The following NEB variants were observed in gnomAD, a reference collection of about 807,000 sequenced individuals.
The protein encoded by NEB is nebulin, also known as nemaline myopathy type 2.
Under a neutral mutation model 952.2 loss-of-function variants are expected in NEB, and 512 were observed. The ratio of observed to expected loss-of-function variants is 0.54; its 90% CI spans 0.50 to 0.58. NEB has a LOEUF of 0.58. Among genes scored for constraint, NEB ranks in the 20% least tolerant of loss-of-function variants. The probability of loss-of-function intolerance (pLI) is 0.00; values close to 1 mark genes in which losing one functional copy is unlikely to be tolerated. For synonymous variants in NEB, 2,900 were observed against 3,149.8 expected (o/e 0.92, Z 2.66); for missense variants, 8,428 against 9,231.1 (o/e 0.91, Z 3.56).
At position 151,529,326 on chromosome 2, in the gene NEB, AAC is replaced by A. The variant is rs778841804; in HGVS notation, c.21631-14_21631-13del. 1.2e-5 allele frequency: 19 copies of A among 1,540,828 alleles called. No homozygotes were observed. The Admixed American group carries it at 3.0e-4, about 24-fold the overall frequency. ...TCTTTGTATTTCAGCTGTGGGAGGA[AAC>A]ACAGTGACAAGATTAATTTTTTTAT... is the stretch of plus-strand genomic sequence containing the variant. On this transcript the variant is annotated splice_polypyrimidine_tract_variant and intron_variant, in intron 145 of 181. Transcript: ENST00000397345.
At chr2:151,637,721 A>C (rs2098789237) in intron 63 of NEB, among the ~76,000 whole-genome samples, 1 of 152,166 alleles carries the variant, frequency 6.6e-6, no homozygotes, top group African/African-American at 2.4e-5. Flanking sequence ...TGTTTCCTGA[A>C]ATTCTTGCAC....
rs759891174 is a variant in NEB at position 151,562,128 on chromosome 2, T to A, written c.18978A>T (p.Ser6326=). The change falls in exon 121 of 182, where the codon TCA becomes TCT. Residue 6326 remains serine, a synonymous_variant. Coordinates refer to ENST00000397345, the MANE Select transcript of NEB (RefSeq NM_001164508.2). The stretch of plus-strand genomic sequence containing the variant: ...GGCTCACCTGACTCTGAAGGTCGTA[T>A]GATTTCTTGGCATGGAGGATTTGGG... ...DTPQILHAKK[S]YDLQSQLQYT... is the part of the protein sequence containing the mutation. 3 of 1,613,548 alleles carry A rather than the reference T, an allele frequency of 1.9e-6. No homozygotes were observed. The highest frequency in any genetic ancestry group is 2.5e-6 in the Non-Finnish European group (3 of 1,179,548).
At chr2:151,711,518 C>T (rs1464335948) in intron 10 of NEB, among the ~76,000 whole-genome samples, 2 of 152,192 alleles carry the variant, frequency 1.3e-5, no homozygotes, top group Non-Finnish European at 2.9e-5. Context: ...AAACTTAGCC[C>T]TCACTCAAAT....
intron 169 of NEB, among the ~76,000 whole-genome samples, 183 bp downstream of exon 169, chr2:151,499,115 A>G (rs114105852): frequency 4.3e-4 from 65 of 152,272 alleles, no homozygotes; most frequent in African/African-American, 1.6e-3. Context: ...ATTAAGTTAA[A>G]TGATTATATT....
chr2:151,709,791 C>A, intron 11 of NEB, 28 bp from the exon 12 acceptor site: 2 of 1,503,144 alleles, frequency 1.3e-6, no homozygotes, highest in African/African-American at 1.4e-5. Flanking sequence ...AGCTGAAGAA[C>A]TGCTGTGGAA....
At position 151,674,344 on chromosome 2, in the gene NEB, T is replaced by C. The variant is rs190745431; in HGVS notation, c.3987+133A>G. On this transcript the variant is annotated intron_variant, in intron 36 of 181. Transcript: ENST00000397345. ...AATGTTTCTAAAAGTGACAGGTTTT[T>C]CCAAACAATATTTTGAGAATTTAAA... 316 of 796,148 alleles carry C rather than the reference T, an allele frequency of 4.0e-4. 2 individuals carry two copies. The African/African-American group carries it at 5.0e-3, about 13-fold the overall frequency. The allele number at this position is 796,148 out of a possible 1,614,324, so 49.3% of individuals were successfully genotyped here.
intron 135 of NEB, among the ~76,000 whole-genome samples, chr2:151,544,709 G>C (rs949929443): frequency 1.3e-5 from 2 of 152,218 alleles, no homozygotes; most frequent in African/African-American, 4.8e-5. Flanking sequence ...AGTGTAGGAA[G>C]CTGCATATCC....
rs2049605080 is a variant in NEB at position 151,485,423 on chromosome 2, TTA to T, written c.*335_*336del. 1 of 188,020 alleles carries T rather than the reference TTA, an allele frequency of 5.3e-6. No homozygotes were observed. The highest frequency in any genetic ancestry group is 1.1e-5 in the Non-Finnish European group (1 of 91,702). The allele number at this position is 188,020 out of a possible 1,614,324, so 11.6% of individuals were successfully genotyped here. A position where few individuals can be genotyped will look rare whatever the true frequency, so the allele number is the denominator to read the frequency against. ...AGAACTGAATTAGAAATAATAAGCA[TTA>T]GCAATCAGCAAGGAAAAGGTGAACA... is the stretch of plus-strand genomic sequence containing the variant. On this transcript the variant is annotated 3_prime_UTR_variant, in exon 182 of 182. Transcript: ENST00000397345.
At position 151,694,627 on chromosome 2, in the gene NEB, A is replaced by T. The variant is rs1266732454; in HGVS notation, c.1677T>A (p.Asn559Lys). 2 of 1,575,358 alleles carry T rather than the reference A, an allele frequency of 1.3e-6. No homozygotes were observed. Among genetic ancestry groups the T allele is most frequent in the East Asian group, 4.6e-5 (2 of 43,316 alleles). ...HKVNAYNLSD[N>K]LYKQDWEKSK... is the part of the protein sequence containing the mutation. ...TCTTCTCCCAGTCTTGCTTATAAAG[A>T]TTCTGGACAAAAAAATTCAGCAAAG... Residue 559 changes from asparagine (N) to lysine (K), a missense_variant and splice_region_variant, in exon 19 of 182, where the codon AAT (asparagine) becomes AAA (lysine). Physicochemically the swap from Asn to Lys is moderately conservative, Grantham distance 94. This residue lies in a region of NEB where 2,851 missense variants were observed against 2,791.5 expected (regional missense o/e 1.02). Coordinates refer to ENST00000397345, the MANE Select transcript of NEB (RefSeq NM_001164508.2).
intron 13 of NEB, among the ~76,000 whole-genome samples, chr2:151,701,465 A>G (rs367988005): frequency 2.0e-5 from 3 of 149,222 alleles, no homozygotes; most frequent in African/African-American, 7.4e-5. Context: ...TGTACCTCTG[A>G]TAGAATTCGG....
chr2:151,687,567 C>T (rs564907904), intron 26 of NEB, 35 bp from the exon 27 acceptor site: 6 of 1,612,822 alleles, frequency 3.7e-6, no homozygotes, highest in African/African-American at 1.3e-5. Flanking sequence ...ATCCCACTCA[C>T]CAGGAAATGT....
intron 36 of NEB, among the ~76,000 whole-genome samples, chr2:151,673,293 T>G (rs1384171308): frequency 1.3e-5 from 2 of 152,186 alleles, no homozygotes; most frequent in Admixed American, 1.3e-4. Flanking sequence ...GAACCTCAAC[T>G]GTTATGCAAG....
chr2:151,543,120 G>T (rs1365587395), intron 135 of NEB, among the ~76,000 whole-genome samples: 6 of 152,076 alleles, frequency 3.9e-5, no homozygotes, highest in African/African-American at 1.4e-4. Flanking sequence ...CGAGACTAGG[G>T]CACAGCAGTT....
In NEB at chr2:151,546,344, CCCAGAGCTTCCGCAGGTGCCGGGA is replaced by C; in HGVS notation, c.20443_20466del (p.Arg6816_Ser6823del). Reference sequence around the variant, plus strand: ...TATGCATTGTGATGATGTGCACTCACCCAGAGCTTCCGCAGGTGCCGGGAGCGGACCATGTCAGGAGTGTCATAC... The same window carrying C: ...TATGCATTGTGATGATGTGCACTCACGCGGACCATGTCAGGAGTGTCATAC... On this transcript the variant is annotated inframe_deletion and splice_region_variant, in exon 134 of 182. Coordinates refer to ENST00000397345, the MANE Select transcript of NEB (RefSeq NM_001164508.2). 6.2e-7 allele frequency: 1 copy of C among 1,610,878 alleles called. No individual in the cohort carries two copies. The highest frequency in any genetic ancestry group is 8.5e-7 in the Non-Finnish European group (1 of 1,178,296).
chr2:151,708,450 T>TC (rs1441071696), intron 12 of NEB, among the ~76,000 whole-genome samples: 1 of 152,076 alleles, frequency 6.6e-6, no homozygotes, highest in African/African-American at 2.4e-5. Context: ...ATGACTCCCT[T>TC]CCCCCTTCAC....
intron 156 of NEB, among the ~76,000 whole-genome samples, chr2:151,516,936 T>G (rs2078044661): frequency 6.6e-6 from 1 of 152,202 alleles, no homozygotes; most frequent in African/African-American, 2.4e-5. Context: ...TTAATGCTAT[T>G]AGCATTAATC....
chr2:151,703,135 AT>A (rs1008864609), intron 13 of NEB, among the ~76,000 whole-genome samples: 3 of 145,792 alleles, frequency 2.1e-5, no homozygotes, highest in African/African-American at 7.6e-5. Context: ...GTTTGGCTGG[AT>A]ATGAAATTCT....
intron 173 of NEB, 131 bp downstream of exon 173, chr2:151,496,145 G>A: frequency 9.5e-7 from 1 of 1,055,348 alleles, no homozygotes; most frequent in Non-Finnish European, 1.4e-6. Context: ...AAGGAAAAAA[G>A]GGTAAATTTG....
intron 161 of NEB, among the ~76,000 whole-genome samples, chr2:151,509,111 A>G (rs1440603855): frequency 1.3e-5 from 2 of 152,222 alleles, no homozygotes; most frequent in Non-Finnish European, 2.9e-5. Flanking sequence ...CTTTGTTAAT[A>G]TAGGAATTAC....
Sources: gnomAD v4.1 joint callset for allele counts (sites outside exome capture counted in the v4.1 genomes callset) on GRCh38, gnomAD v4.1.1 for gene constraint, gnomAD v4.1.1 regional missense constraint, MANE v1.5 for transcripts, NCBI Gene and HGNC (gene_info 2026-07-23, HGNC 2026-07-21) for gene names.